The following FAM81A variants were observed in gnomAD, a reference collection of about 807,000 sequenced individuals.
FAM81A encodes protein FAM81A.
FAM81A carries 19 observed loss-of-function variants against 46.7 expected under a neutral mutation model. The observed-to-expected ratio is 0.41, with a 90% CI of 0.28 to 0.60. FAM81A has a LOEUF of 0.60. Among genes scored for constraint, FAM81A ranks in the 20% least tolerant of loss-of-function variants. The probability of loss-of-function intolerance (pLI) is 0.34; values close to 1 mark genes in which losing one functional copy is unlikely to be tolerated. For synonymous variants in FAM81A, 183 were observed against 152.9 expected (o/e 1.20, Z -1.45); for missense variants, 377 against 453.5 (o/e 0.83, Z 1.53).
rs145430329 is a variant in FAM81A, at chr15:59,505,358, A to G, written c.414-1855A>G. On this transcript the variant is annotated intron_variant, in intron 4 of 8. Coordinates refer to ENST00000288228, the MANE Select transcript of FAM81A (RefSeq NM_152450.3). ...GAAACCTCATGTTTACTAAAAATAC[A>G]AAAATTAGCCAGGCATGGTGATGTG... Among the ~76,000 whole-genome samples, 1,213 of 152,180 alleles carry G rather than the reference A, an allele frequency of 8.0e-3. 14 individuals are homozygous for G. Among genetic ancestry groups the G allele is most frequent in the African/African-American group, 0.027 (1,126 of 41,516 alleles).
At chr15:59,447,719 A>G (rs2081367901) in intron 1 of FAM81A, among the ~76,000 whole-genome samples, 1 of 152,202 alleles carries the variant, frequency 6.6e-6, no homozygotes, top group African/African-American at 2.4e-5. Context: ...ATTTAGCCAG[A>G]TAACAACTAT....
intron 3 of FAM81A, among the ~76,000 whole-genome samples, chr15:59,472,355 C>G (rs762890966): frequency 6.6e-6 from 1 of 152,000 alleles, no homozygotes; most frequent in Non-Finnish European, 1.5e-5. Flanking sequence ...AAAACCAAAC[C>G]AAACCAAACC....
chr15:59,402,045 G>T, intron 1 of FAM81A: 1 of 552,948 alleles, frequency 1.8e-6, no homozygotes, highest in South Asian at 2.2e-5. Context: ...CCTGGGGTGC[G>T]AAAAACGCTC....
At chr15:59,420,022 A>G (rs2081164043) in intron 2 of FAM81A, among the ~76,000 whole-genome samples, 1 of 152,208 alleles carries the variant, frequency 6.6e-6, no homozygotes, top group African/African-American at 2.4e-5. Flanking sequence ...AGCTGGACTC[A>G]GAGCCAATGC....
At chr15:59,407,290 C>CTTTTTTTTTTTT (rs1567035679) in intron 2 of FAM81A, 2 of 105,348 alleles carry the variant, frequency 1.9e-5, no homozygotes, top group African/African-American at 3.0e-5. Flanking sequence ...TCTTTTCTTT[C>CTTTTTTTTTTTT]CTTTTTTTTT....
chr15:59,452,047 T>C (rs1320550268), intron 1 of FAM81A, among the ~76,000 whole-genome samples: 3 of 152,194 alleles, frequency 2.0e-5, no homozygotes, highest in African/African-American at 7.2e-5. Flanking sequence ...GATGAGTGTT[T>C]GCCGAATTTC....
At chr15:59,418,152 G>A (rs2081155128) in intron 2 of FAM81A, among the ~76,000 whole-genome samples, 2 of 152,290 alleles carry the variant, frequency 1.3e-5, no homozygotes, top group South Asian at 4.1e-4. Context: ...AAGACAAGCT[G>A]ACACTTTCTT....
At chr15:59,478,984 G>A (rs1209821344) in intron 3 of FAM81A, among the ~76,000 whole-genome samples, 1 of 152,174 alleles carries the variant, frequency 6.6e-6, no homozygotes, top group Non-Finnish European at 1.5e-5. Context: ...CTAGAACATG[G>A]AGCTAAATTA....
At chr15:59,466,665 ACTCT>A (rs1241021339) in intron 3 of FAM81A, among the ~76,000 whole-genome samples, 1 of 151,924 alleles carries the variant, frequency 6.6e-6, no homozygotes, top group African/African-American at 2.4e-5. Flanking sequence ...TTGCCTGTTC[ACTCT>A]GATGGTAGTT....
rs561997886 is a variant in FAM81A, at chr15:59,425,760, G to C, written c.-78+23402G>C. ...CCTGCCTCAGCCTCCTGAGTAAGTG[G>C]GACTACAGGCCTGCATCACCATGAC... On this transcript the variant is annotated intron_variant, in intron 2 of 4. Coordinates refer to the FAM81A transcript ENST00000558348. Among the ~76,000 whole-genome samples the C allele has an allele frequency of 5.9e-4, 90 of 152,232 alleles. 1 individual carries two copies. The highest frequency in any genetic ancestry group is 3.4e-3 in the Middle Eastern group (1 of 294).
chr15:59,413,401 T>C (rs1176145843), intron 2 of FAM81A, among the ~76,000 whole-genome samples: 2 of 141,776 alleles, frequency 1.4e-5, no homozygotes, highest in Non-Finnish European at 3.0e-5. Flanking sequence ...GCCTCAAAAC[T>C]GGGTTGAGAG....
chr15:59,424,975 A>G (rs1475584633), intron 2 of FAM81A, among the ~76,000 whole-genome samples: 1 of 152,144 alleles, frequency 6.6e-6, no homozygotes, highest in East Asian at 1.9e-4. Flanking sequence ...AACCAAAACT[A>G]TTTACTGCAA....
At chr15:59,496,749 A>G (rs1441825213) in intron 4 of FAM81A, among the ~76,000 whole-genome samples, 1 of 152,122 alleles carries the variant, frequency 6.6e-6, no homozygotes, top group Non-Finnish European at 1.5e-5. Flanking sequence ...ACATTTTGAA[A>G]TTGAGAAGTG....
chr15:59,503,513 T>C (rs1046163845), intron 4 of FAM81A, among the ~76,000 whole-genome samples: 1 of 152,140 alleles, frequency 6.6e-6, no homozygotes, highest in South Asian at 2.1e-4. Flanking sequence ...AGATCTAGCA[T>C]GCTTTTTAAT....
rs5812977 is a variant in FAM81A, at chr15:59,430,254, C to CTTT, written c.-78+27922_-78+27924dup. ...GCACCAAATACACAGACCTATTTCC[C>CTTT]TTTTTTTTTTTTTTTTTTTTTTTTT... On this transcript the variant is annotated intron_variant, in intron 2 of 4. Coordinates refer to the FAM81A transcript ENST00000558348. Among the ~76,000 whole-genome samples, 25 of 87,470 alleles carry CTTT rather than the reference C, an allele frequency of 2.9e-4. 1 individual carries two copies. The highest frequency in any genetic ancestry group is 7.5e-4 in the African/African-American group (16 of 21,196). 57.4% of individuals were successfully genotyped at this position (87,470 alleles called of 152,430 possible).
At chr15:59,513,646 G>A (rs976011109) in intron 6 of FAM81A, among the ~76,000 whole-genome samples, 2 of 152,020 alleles carry the variant, frequency 1.3e-5, no homozygotes, top group African/African-American at 2.4e-5. Context: ...TATGATAGTT[G>A]GAAATTGATA....
chr15:59,507,581 C>A (rs1027194939), intron 5 of FAM81A, among the ~76,000 whole-genome samples: 3 of 152,196 alleles, frequency 2.0e-5, no homozygotes, highest in African/African-American at 7.2e-5. Flanking sequence ...TCCCCACCAC[C>A]ACATTCCTAG....
chr15:59,476,906 G>A (rs1209342489), intron 3 of FAM81A, among the ~76,000 whole-genome samples: 3 of 151,822 alleles, frequency 2.0e-5, no homozygotes, highest in Admixed American at 2.0e-4. Context: ...CAGATCATGA[G>A]ATCAGGAGTT....
intron 4 of FAM81A, among the ~76,000 whole-genome samples, chr15:59,495,014 T>C (rs1233124767): frequency 6.6e-6 from 1 of 151,930 alleles, no homozygotes; most frequent in African/African-American, 2.4e-5. Flanking sequence ...CCTTTCTCTC[T>C]CCTCTCTCTC....
Sources: allele counts gnomAD v4.1 joint callset (sites outside exome capture counted in the v4.1 genomes callset), GRCh38; gene constraint gnomAD v4.1.1; transcripts MANE v1.5; gene names NCBI Gene and HGNC (gene_info 2026-07-23, HGNC 2026-07-21).